The following ARHGAP24 variants were observed in gnomAD, a reference collection of about 807,000 sequenced individuals.
ARHGAP24 encodes Rho GTPase activating protein 24, also known as rho GTPase-activating protein 24.
ARHGAP24 carries 50 observed loss-of-function variants against 76.4 expected under a neutral mutation model. That is an observed-to-expected ratio of 0.65 (90% CI 0.52 to 0.83). The LOEUF is 0.83. Ranked by LOEUF, ARHGAP24 falls within the 40% of genes least tolerant of loss-of-function variation. The probability of loss-of-function intolerance (pLI) is 0.00; values close to 1 mark genes in which losing one functional copy is unlikely to be tolerated. For synonymous variants in ARHGAP24, 345 were observed against 323.3 expected, an observed-to-expected ratio of 1.07 and a Z score of -0.72; for missense variants, 930 against 914.2, an observed-to-expected ratio of 1.02 and a Z score of -0.22.
intron 3 of ARHGAP24, among the ~76,000 whole-genome samples, chr4:85,744,289 G>A (rs1725943476): frequency 6.6e-6 from 1 of 152,138 alleles, no homozygotes; most frequent in African/African-American, 2.4e-5. Context: ...ATCCTGGAGA[G>A]GCAAGGAGTC....
chr4:85,928,804 A>G (rs1736160574), intron 4 of ARHGAP24, among the ~76,000 whole-genome samples: 1 of 152,176 alleles, frequency 6.6e-6, no homozygotes, highest in African/African-American at 2.4e-5. Flanking sequence ...AATGTTAGCT[A>G]CTGCCAAAAT....
intron 1 of ARHGAP24, among the ~76,000 whole-genome samples, chr4:85,568,134 T>C (rs530477094): frequency 6.6e-6 from 1 of 152,256 alleles, no homozygotes; most frequent in South Asian, 2.1e-4. Flanking sequence ...AGGGGAAATA[T>C]CTACTTGTAT....
intron 2 of ARHGAP24, among the ~76,000 whole-genome samples, chr4:85,624,824 T>G (rs962176645): frequency 6.6e-6 from 1 of 152,204 alleles, no homozygotes; most frequent in Non-Finnish European, 1.5e-5. Flanking sequence ...GTTGAGGAAT[T>G]TATCCATTTC....
chr4:85,802,196 C>G (rs960513781), intron 3 of ARHGAP24, among the ~76,000 whole-genome samples: 1 of 152,002 alleles, frequency 6.6e-6, no homozygotes, highest in Non-Finnish European at 1.5e-5. Flanking sequence ...TGCTATGTAG[C>G]GCTAACCAAA....
chr4:85,642,216 A>G (rs1333974580), intron 2 of ARHGAP24, among the ~76,000 whole-genome samples: 8 of 152,160 alleles, frequency 5.3e-5, no homozygotes, highest in Admixed American at 5.2e-4. Flanking sequence ...AAGTTTAGAA[A>G]GAGACAGATT....
At chr4:85,502,826 TG>T (rs1723876789) in intron 1 of ARHGAP24, among the ~76,000 whole-genome samples, 1 of 152,240 alleles carries the variant, frequency 6.6e-6, no homozygotes, top group Non-Finnish European at 1.5e-5. Flanking sequence ...TTCAAATTTT[TG>T]CCCATTCAGA....
At chr4:85,590,973 G>A (rs1336098666) in intron 2 of ARHGAP24, among the ~76,000 whole-genome samples, 5 of 144,522 alleles carry the variant, frequency 3.5e-5, no homozygotes, top group Non-Finnish European at 7.5e-5. Context: ...ATGAAAGGCT[G>A]TACAAAAATT....
intron 3 of ARHGAP24, among the ~76,000 whole-genome samples, chr4:85,774,375 C>T (rs1311946214): frequency 6.6e-6 from 1 of 152,194 alleles, no homozygotes; most frequent in Non-Finnish European, 1.5e-5. Context: ...ATTATTTGGT[C>T]TCCCTCCTTT....
chr4:85,994,809 C>T lies in ARHGAP24; in HGVS notation c.1155C>T (p.Ser385=), dbSNP rs1306849122. Reference sequence around the variant, plus strand: ...ACAAGTCTGAGTCACCCCAGAGAAGCAGCATGAACAATGGATCCCCCACAG... The same window carrying T: ...ACAAGTCTGAGTCACCCCAGAGAAGTAGCATGAACAATGGATCCCCCACAG... ...SWDKSESPQR[S]SMNNGSPTAL... The change falls in exon 9 of 10, where the codon AGC becomes AGT. Residue 385 remains serine (S), a synonymous_variant. Transcript: ENST00000395184. The T allele has an allele frequency of 6.2e-7, 1 of 1,613,992 alleles. No homozygotes were observed. Among genetic ancestry groups the T allele is most frequent in the Non-Finnish European group, 8.5e-7 (1 of 1,180,030 alleles).
At chr4:85,763,086 A>T (rs1396175755) in intron 3 of ARHGAP24, among the ~76,000 whole-genome samples, 1 of 152,124 alleles carries the variant, frequency 6.6e-6, no homozygotes, top group Admixed American at 6.6e-5. Context: ...AGTATTTTGG[A>T]TATATATCCA....
intron 3 of ARHGAP24, among the ~76,000 whole-genome samples, chr4:85,868,762 ACTAT>A (rs1732353739): frequency 6.6e-6 from 1 of 152,078 alleles, no homozygotes; most frequent in Non-Finnish European, 1.5e-5. Context: ...AACTCTCTAC[ACTAT>A]CTTTGAAATT....
chr4:85,690,847 T>C (rs1273008579), intron 2 of ARHGAP24, among the ~76,000 whole-genome samples: 1 of 151,952 alleles, frequency 6.6e-6, no homozygotes, highest in Non-Finnish European at 1.5e-5. Context: ...TCAGTTCTTC[T>C]CTAATTTTAG....
At chr4:85,554,053 T>C (rs1726252659) in intron 1 of ARHGAP24, among the ~76,000 whole-genome samples, 1 of 152,362 alleles carries the variant, frequency 6.6e-6, no homozygotes, top group East Asian at 1.9e-4. Flanking sequence ...ACTTCTCCTT[T>C]GCTTATGATG....
At chr4:85,778,660 C>G in intron 3 of ARHGAP24, 2 of 981,900 alleles carry the variant, frequency 2.0e-6, no homozygotes, top group African/African-American at 3.5e-5. Context: ...AGGTATATTT[C>G]CTTGTAGGTT....
At chr4:85,759,052 C>A (rs991739123) in intron 3 of ARHGAP24, among the ~76,000 whole-genome samples, 5 of 152,112 alleles carry the variant, frequency 3.3e-5, no homozygotes, top group Admixed American at 6.6e-5. Flanking sequence ...CACTTTAATT[C>A]CCAAATTTGA....
chr4:85,972,434 A>G (rs1299444988), intron 6 of ARHGAP24: 3 of 453,778 alleles, frequency 6.6e-6, no homozygotes, highest in East Asian at 8.7e-5. Context: ...ATGCAGTGCT[A>G]TGTCAGGCCA....
Position 86,000,460 on chromosome 4 carries a change from C to CG in ARHGAP24, c.2004-19_2004-18insG, listed in dbSNP as rs751537877. On this transcript the variant is annotated intron_variant, in intron 9 of 9. Coordinates refer to ENST00000395184, the MANE Select transcript of ARHGAP24 (RefSeq NM_001025616.3). ...ACTCTTGCGTCCCCACCCCCCACCC[C>CG]CCCCAACATCCTTTGTAGCTTAGAA... 1.2e-6 allele frequency: 1 copy of CG among 812,226 alleles called. No individual in the cohort carries two copies. The highest frequency in any genetic ancestry group is 1.9e-6 in the Non-Finnish European group (1 of 533,430). 50.3% of individuals were successfully genotyped at this position (812,226 alleles called of 1,614,324 possible).
chr4:85,662,181 G>A (rs2109993002), intron 2 of ARHGAP24, among the ~76,000 whole-genome samples: 1 of 152,236 alleles, frequency 6.6e-6, no homozygotes, highest in Admixed American at 6.5e-5. Context: ...AGCACCTGTT[G>A]TTTCCTGACT....
At chr4:85,990,512 T>A (rs561014733) in intron 8 of ARHGAP24, 8 of 151,812 alleles carry the variant, frequency 5.3e-5, no homozygotes, top group African/African-American at 1.9e-4. Context: ...GTTGAATATA[T>A]ACAACTTGAT....
Sources: gnomAD v4.1 joint callset for allele counts (sites outside exome capture counted in the v4.1 genomes callset) on GRCh38, gnomAD v4.1.1 for gene constraint, MANE v1.5 for transcripts, NCBI Gene and HGNC (gene_info 2026-07-23, HGNC 2026-07-21) for gene names.